Variants in PHIP observed in about 807,000 individuals in gnomAD.
The protein encoded by PHIP is PH-interacting protein.
In PHIP, 54 loss-of-function variants were observed where a neutral mutation model predicts 236.8. The ratio of observed to expected loss-of-function variants is 0.23; its 90% CI spans 0.18 to 0.29. The LOEUF is 0.29. PHIP is among the 10% of genes least tolerant of loss of function. PHIP has a pLI of 1.00. For synonymous variants in PHIP, 756 were observed against 718.9 expected, an observed-to-expected ratio of 1.05 and a Z score of -0.83; for missense variants, 1,370 against 2,190.8, an observed-to-expected ratio of 0.63 and a Z score of 7.48.
chr6:78,953,872 C>T (rs1766227110), intron 35 of PHIP, among the ~76,000 whole-genome samples: 1 of 152,106 alleles, frequency 6.6e-6, no homozygotes. Context: ...AGGTGTAAGA[C>T]ACCACGCCCG....
intron 9 of PHIP, among the ~76,000 whole-genome samples, chr6:79,023,941 GA>G (rs1771262301): frequency 6.6e-6 from 1 of 152,190 alleles, no homozygotes; most frequent in Admixed American, 6.5e-5. Flanking sequence ...TCAGGTCCAT[GA>G]GGAGGTTAAA....
intron 7 of PHIP, among the ~76,000 whole-genome samples, chr6:79,041,563 C>A (rs1257918579): frequency 6.6e-6 from 1 of 151,950 alleles, no homozygotes; most frequent in Non-Finnish European, 1.5e-5. Flanking sequence ...TGAAAGAATT[C>A]TTTCAAACAT....
intron 7 of PHIP, among the ~76,000 whole-genome samples, chr6:79,036,497 A>C (rs1008678591): frequency 2.0e-5 from 3 of 152,212 alleles, no homozygotes; most frequent in Non-Finnish European, 4.4e-5. Flanking sequence ...TTTGAATTTC[A>C]AACGTACAAA....
chr6:79,058,395 T>A (rs893126235), intron 6 of PHIP, among the ~76,000 whole-genome samples: 3 of 152,274 alleles, frequency 2.0e-5, no homozygotes, highest in South Asian at 2.1e-4. Context: ...AATCTGACCA[T>A]CAACGACGTG....
At chr6:78,952,053 A>G (rs117340398) in intron 35 of PHIP, among the ~76,000 whole-genome samples, 5,607 of 152,154 alleles carry the variant, frequency 0.037, 100 homozygotes, top group Middle Eastern at 0.058. Flanking sequence ...TTTCACTCTT[A>G]TTCTAGGTAA....
rs1042087857 is a variant in PHIP at position 78,965,715 on chromosome 6, T to C, written c.3367A>G (p.Ile1123Val). 1.3e-6 allele frequency: 2 copies of C among 1,556,570 alleles called. No individual in the cohort carries two copies. The highest frequency in any genetic ancestry group is 2.7e-5 in the African/African-American group (2 of 73,814). Residue 1123 changes from isoleucine to valine, a missense_variant, in exon 29 of 40, where the codon ATA becomes GTA. Physicochemically the swap from Ile to Val is conservative, Grantham distance 29. This residue lies in a region of PHIP where 238 missense variants were observed against 398.5 expected (regional missense o/e 0.60). Transcript: ENST00000275034. ...EKMSPWDMELIPNNAVFPEEL... is the reference protein window; with the variant it reads ...EKMSPWDMELVPNNAVFPEEL... ...AACACACACTTACCATTATTAGGTA[T>C]AAGCTCCATATCCCAAGGACTCATC...
intron 23 of PHIP, 41 bp downstream of exon 23, chr6:78,982,845 T>C (rs756160278): frequency 1.6e-6 from 2 of 1,215,472 alleles, no homozygotes; most frequent in Non-Finnish European, 2.3e-6. Flanking sequence ...TTTAAACTGT[T>C]TCTCTAGAAA....
chr6:78,976,597 A>C (rs1264860708), intron 24 of PHIP, among the ~76,000 whole-genome samples: 186 of 141,622 alleles, frequency 1.3e-3, no homozygotes, highest in African/African-American at 4.6e-3. Context: ...CAACCTACAA[A>C]ATGGGAGAAA....
At chr6:78,998,429 C>T (rs764088199) in intron 17 of PHIP, 38 bp from the exon 18 acceptor site, 2 of 1,585,264 alleles carry the variant, frequency 1.3e-6, no homozygotes, top group Non-Finnish European at 1.7e-6. Flanking sequence ...AATATTTTAG[C>T]TACTATTCAA....
intron 19 of PHIP, among the ~76,000 whole-genome samples, chr6:78,995,309 T>C (rs539615276): frequency 6.6e-6 from 1 of 152,338 alleles, no homozygotes; most frequent in South Asian, 2.1e-4. Flanking sequence ...GTATTACAAA[T>C]AAAGCTGCTA....
chr6:79,075,648 A>G (rs1365007849), intron 4 of PHIP, among the ~76,000 whole-genome samples: 8 of 151,136 alleles, frequency 5.3e-5, no homozygotes, highest in Non-Finnish European at 5.9e-5. Context: ...AAAAAAACAA[A>G]AAAACAAAAT....
intron 39 of PHIP, among the ~76,000 whole-genome samples, chr6:78,944,195 A>G (rs1265003554): frequency 6.6e-6 from 1 of 152,122 alleles, no homozygotes; most frequent in African/African-American, 2.4e-5. Context: ...GGGATACAAA[A>G]GAGAGAAAGA....
At chr6:79,014,597 TGAAGA>T (rs1203573496) in intron 15 of PHIP, among the ~76,000 whole-genome samples, 1 of 151,722 alleles carries the variant, frequency 6.6e-6, no homozygotes, top group Admixed American at 6.6e-5. Flanking sequence ...AAACAAAATG[TGAAGA>T]GAAGAGTATA....
intron 19 of PHIP, among the ~76,000 whole-genome samples, chr6:78,992,783 T>A (rs866126320): frequency 2.6e-5 from 4 of 152,276 alleles, no homozygotes; most frequent in Middle Eastern, 3.4e-3. Context: ...CTTCTCCCTC[T>A]CCTCAGGCCT....
At chr6:78,957,769 T>G (rs969568983) in intron 32 of PHIP, 2 of 151,952 alleles carry the variant, frequency 1.3e-5, no homozygotes, top group African/African-American at 2.4e-5. Flanking sequence ...TGCCTTCAAC[T>G]TAGGAGGCTC....
At chr6:78,948,542 A>G (rs981840113) in intron 35 of PHIP, among the ~76,000 whole-genome samples, 5 of 152,100 alleles carry the variant, frequency 3.3e-5, no homozygotes, top group Non-Finnish European at 5.9e-5. Context: ...TGCCCAGGTT[A>G]GAGTGCAGTT....
At chr6:79,025,794 C>T (rs1013625748) in intron 8 of PHIP, 149 bp downstream of exon 8, 1 of 693,788 alleles carries the variant, frequency 1.4e-6, no homozygotes, top group African/African-American at 1.8e-5. Context: ...ATACTCCTGT[C>T]TTCATTTTAG....
intron 7 of PHIP, among the ~76,000 whole-genome samples, chr6:79,027,200 TATAAC>T (rs1302314175): frequency 2.0e-5 from 3 of 152,146 alleles, no homozygotes; most frequent in African/African-American, 2.4e-5. Context: ...TGACAATAAA[TATAAC>T]ATATTAATGT....
In PHIP at chr6:78,941,086, T is replaced by C. The variant is rs571545144; in HGVS notation, c.5073A>G (p.Thr1691=). 1.9e-6 allele frequency: 3 copies of C among 1,614,124 alleles called. No homozygotes were observed. In the East Asian group the frequency reaches 6.7e-5, roughly 36 times the overall value. ...TATTAGTTTCAGAAAGAAAATTGCA[T>C]GTTGAAGAAGGAAGTACTTCATCTC... ...PIRDEVLPSS[T]CNFLSETNNV... is the part of the protein sequence containing the mutation. The change falls in exon 40 of 40, where the codon ACA becomes ACG. Residue 1691 remains threonine (T), a synonymous_variant. Transcript: ENST00000275034.
Sources: allele counts gnomAD v4.1 joint callset (sites outside exome capture counted in the v4.1 genomes callset), GRCh38; gene constraint gnomAD v4.1.1; regional missense constraint gnomAD v4.1.1; transcripts MANE v1.5; gene names NCBI Gene and HGNC (gene_info 2026-07-23, HGNC 2026-07-21).